The following CUX1 variants were observed in gnomAD, a reference collection of about 807,000 sequenced individuals.
CUX1 encodes protein CASP.
In CUX1, 31 loss-of-function variants were observed where a neutral mutation model predicts 158.8. That is an observed-to-expected ratio of 0.20 (90% CI 0.15 to 0.26). The LOEUF is 0.26. CUX1 is among the 10% of genes least tolerant of loss of function. CUX1 has a pLI of 1.00. For synonymous variants in CUX1, 879 were observed against 862.1 expected, an observed-to-expected ratio of 1.02 and a Z score of -0.34; for missense variants, 1,589 against 2,014.6, an observed-to-expected ratio of 0.79 and a Z score of 4.04.
intron 1 of CUX1, among the ~76,000 whole-genome samples, chr7:101,865,502 G>A (rs1797852169): frequency 6.6e-6 from 1 of 152,184 alleles, no homozygotes; most frequent in South Asian, 2.1e-4. Flanking sequence ...TTCTCATGCT[G>A]TTAAATGTTT....
In CUX1 at chr7:102,248,882, C is replaced by T; in HGVS notation, c.4358C>T (p.Pro1453Leu). 1 of 1,380,482 alleles carries T rather than the reference C, an allele frequency of 7.2e-7. No individual in the cohort carries two copies. Among genetic ancestry groups the T allele is most frequent in the Non-Finnish European group, 9.4e-7 (1 of 1,059,128 alleles). 85.5% of individuals were successfully genotyped at this position (1,380,482 alleles called of 1,614,324 possible). Residue 1453 changes from proline (P) to leucine (L), a missense_variant, in exon 24 of 24, where the codon CCC becomes CTC. Pro to Leu is a moderately conservative substitution (Grantham distance 98). This residue lies in a region of CUX1 where 344 missense variants were observed against 323.7 expected (regional missense o/e 1.06). Coordinates refer to ENST00000292535, the MANE Select transcript of CUX1 (RefSeq NM_181552.4). The surrounding 1 kb of genome is among the most constrained non-coding windows in gnomAD (Gnocchi z 5.8). ...NSSSSSAPRR[P>L]SSLQSLFGLP... The stretch of plus-strand genomic sequence containing the variant: ...AGCAGCAGCAGCGCCCCCCGCAGGC[C>T]CAGCTCGCTGCAGAGCCTTTTCGGC...
At chr7:101,940,656 T>A (rs1807597260) in intron 2 of CUX1, among the ~76,000 whole-genome samples, 1 of 152,202 alleles carries the variant, frequency 6.6e-6, no homozygotes, top group Non-Finnish European at 1.5e-5. Flanking sequence ...CAAGGGAATG[T>A]GTTTTCTTAT....
upstream of CUX1, chr7:101,816,895 AC>A (rs1304401719): frequency 1.0e-6 from 1 of 978,372 alleles, no homozygotes; most frequent in African/African-American, 1.8e-5. Context: ...CCGCTCCGGC[AC>A]CCCGCGTGTG....
chr7:102,125,128 A>G (rs1389646593), intron 8 of CUX1, among the ~76,000 whole-genome samples: 1 of 152,100 alleles, frequency 6.6e-6, no homozygotes, highest in African/African-American at 2.4e-5. Context: ...GACCGGCTTT[A>G]TCCCACACTC....
chr7:102,100,600 G>A (rs1346073326), intron 5 of CUX1, among the ~76,000 whole-genome samples: 1 of 152,152 alleles, frequency 6.6e-6, no homozygotes, highest in East Asian at 1.9e-4. Context: ...GAATAAAAGT[G>A]ATTATAATTT....
chr7:102,206,137 G>A (rs782166562), intron 20 of CUX1, among the ~76,000 whole-genome samples: 3 of 152,222 alleles, frequency 2.0e-5, no homozygotes, highest in South Asian at 2.1e-4. Context: ...CTGTGTGGCA[G>A]TGGCTGCTGC....
At chr7:102,104,504 C>G (rs782309415) in intron 6 of CUX1, 45 bp downstream of exon 6, 2 of 1,596,004 alleles carry the variant, frequency 1.3e-6, no homozygotes, top group Admixed American at 3.5e-5. Flanking sequence ...TAGCATTTGC[C>G]CCTGAACTTC....
chr7:102,087,019 T>A (rs1401294026), intron 4 of CUX1, among the ~76,000 whole-genome samples: 3 of 152,196 alleles, frequency 2.0e-5, no homozygotes, highest in Non-Finnish European at 4.4e-5. Context: ...ACTATTAACC[T>A]GTCTGTATCT....
chr7:102,024,226 C>A (rs1819724544), intron 2 of CUX1, among the ~76,000 whole-genome samples: 1 of 152,240 alleles, frequency 6.6e-6, no homozygotes, highest in African/African-American at 2.4e-5. Context: ...TCTTCCATTT[C>A]TCTGCTACAG....
intron 3 of CUX1, among the ~76,000 whole-genome samples, chr7:102,060,586 TATATATACACACACACAAATAAACAC>T (rs1414589002): frequency 0.02 from 2,776 of 140,002 alleles, 35 homozygotes; most frequent in Admixed American, 0.054. Context: ...TATACATATA[TATATATACACACACACAAATAAACAC>T]ACACACACAC....
At chr7:102,003,345 C>T (rs908935630) in intron 2 of CUX1, among the ~76,000 whole-genome samples, 3 of 152,100 alleles carry the variant, frequency 2.0e-5, no homozygotes, top group Non-Finnish European at 4.4e-5. Context: ...CGCCCGCCCC[C>T]CGCTCCACTG....
At chr7:102,064,984 G>A (rs1825380159) in intron 3 of CUX1, among the ~76,000 whole-genome samples, 1 of 152,200 alleles carries the variant, frequency 6.6e-6, no homozygotes, top group Non-Finnish European at 1.5e-5. Context: ...GAACTAGGAA[G>A]TCACTGGCTG....
At chr7:102,189,277 T>C (rs1392372837) in intron 11 of CUX1, among the ~76,000 whole-genome samples, 1 of 151,876 alleles carries the variant, frequency 6.6e-6, no homozygotes, top group Non-Finnish European at 1.5e-5. Flanking sequence ...GTCCTCCTGT[T>C]TGCTGTTTCA....
chr7:102,280,311 G>GC lies in CUX1; in HGVS notation c.1764+198dup, dbSNP rs1193867075. Among the ~76,000 whole-genome samples the GC allele has an allele frequency of 3.9e-5, 6 of 152,206 alleles. No individual in the cohort carries two copies. In the East Asian group the frequency reaches 9.7e-4, roughly 25 times the overall value. On this transcript the variant is annotated intron_variant, in intron 19 of 22. Coordinates refer to the CUX1 transcript ENST00000292538. ...CACACCCTGGCCCCTCAGGCCAGGA[G>GC]CCCCCCCAAGACAGCCTCCCCACCG...
chr7:101,830,663 G>A (rs1331368288), intron 1 of CUX1, among the ~76,000 whole-genome samples: 1 of 151,282 alleles, frequency 6.6e-6, no homozygotes, highest in East Asian at 1.9e-4. Flanking sequence ...TAGTATGTTG[G>A]CCAGGCTGGT....
upstream of CUX1, chr7:101,816,898 C>T: frequency 1.0e-6 from 1 of 980,446 alleles, no homozygotes; most frequent in Non-Finnish European, 1.2e-6. Context: ...CTCCGGCACC[C>T]CGCGTGTGGC....
At chr7:101,894,345 G>T (rs1440909757) in intron 1 of CUX1, among the ~76,000 whole-genome samples, 2 of 152,174 alleles carry the variant, frequency 1.3e-5, no homozygotes, top group Admixed American at 6.5e-5. Flanking sequence ...ACGGAGTCTC[G>T]CTCTGTCGCC....
At chr7:102,067,075 A>G (rs1825625968) in intron 3 of CUX1, among the ~76,000 whole-genome samples, 1 of 152,042 alleles carries the variant, frequency 6.6e-6, no homozygotes, top group Admixed American at 6.6e-5. Flanking sequence ...CACCACAGAC[A>G]ATTGTAAAAT....
chr7:101,898,881 C>T (rs56095547), intron 1 of CUX1, among the ~76,000 whole-genome samples: 2,156 of 152,290 alleles, frequency 0.014, 28 homozygotes, highest in Non-Finnish European at 0.025. Flanking sequence ...CATAAGCCAC[C>T]GCACCCGGCT....
Sources: gnomAD v4.1 joint callset for allele counts (sites outside exome capture counted in the v4.1 genomes callset) on GRCh38, gnomAD v4.1.1 for gene constraint, gnomAD v4.1.1 regional missense constraint, Gnocchi (gnomAD v3.1) non-coding constraint, MANE v1.5 for transcripts, NCBI Gene and HGNC (gene_info 2026-07-23, HGNC 2026-07-21) for gene names.